The following MALRD1 variants were observed in gnomAD, a reference collection of about 807,000 sequenced individuals.
MALRD1 encodes the protein MAM and LDL-receptor class A domain-containing protein 1.
MALRD1 carries 247 observed loss-of-function variants against 242.1 expected under a neutral mutation model. The observed-to-expected ratio is 1.02, with a 90% CI of 0.92 to 1.13. The LOEUF (loss-of-function observed/expected upper bound fraction) is 1.13. Ranked by LOEUF, MALRD1 falls within the 50% of genes most tolerant of loss-of-function variation. The pLI is 0.00. For synonymous variants in MALRD1, 995 were observed against 866.6 expected (o/e 1.15, Z -2.60); for missense variants, 2,989 against 2,533.1 (o/e 1.18, Z -3.86).
intron 18 of MALRD1, among the ~76,000 whole-genome samples, chr10:19,230,688 A>G (rs1243900201): frequency 1.3e-5 from 2 of 152,156 alleles, no homozygotes; most frequent in African/African-American, 4.8e-5. Context: ...TAGCTGTTCC[A>G]GGTTCTGGGA....
intron 34 of MALRD1, chr10:19,598,142 C>G (rs1838190981): frequency 6.6e-6 from 1 of 152,062 alleles, no homozygotes; most frequent in Non-Finnish European, 1.5e-5. Context: ...TGTCACAGTT[C>G]AAGTACAAAG....
At chr10:19,206,487 T>G (rs1836792399) in intron 17 of MALRD1, among the ~76,000 whole-genome samples, 1 of 152,188 alleles carries the variant, frequency 6.6e-6, no homozygotes, top group Non-Finnish European at 1.5e-5. Context: ...ATCCCACTCA[T>G]TAAAAAATGT....
intron 32 of MALRD1, among the ~76,000 whole-genome samples, chr10:19,533,088 G>C (rs955626581): frequency 6.6e-6 from 1 of 152,102 alleles, no homozygotes; most frequent in Non-Finnish European, 1.5e-5. Context: ...ATATAATGTA[G>C]GCAGATTTCG....
At chr10:19,323,083 T>G (rs1842970276) in intron 21 of MALRD1, among the ~76,000 whole-genome samples, 1 of 152,208 alleles carries the variant, frequency 6.6e-6, no homozygotes, top group African/African-American at 2.4e-5. Context: ...TTTTCCTTTT[T>G]AATTTAAGCC....
intron 24 of MALRD1, among the ~76,000 whole-genome samples, chr10:19,338,018 C>A (rs556805185): frequency 6.7e-6 from 1 of 150,346 alleles, no homozygotes; most frequent in Non-Finnish European, 1.5e-5. Flanking sequence ...GCCAAGATCA[C>A]GCCACTGCAC....
chr10:19,556,853 C>T (rs1564438582), intron 32 of MALRD1, among the ~76,000 whole-genome samples: 1 of 152,134 alleles, frequency 6.6e-6, no homozygotes, highest in Admixed American at 6.6e-5. Flanking sequence ...GACAAAGTGG[C>T]TATACCAGTT....
At chr10:19,686,632 T>G (rs997243391) in intron 36 of MALRD1, among the ~76,000 whole-genome samples, 8 of 152,122 alleles carry the variant, frequency 5.3e-5, no homozygotes, top group African/African-American at 1.7e-4. Flanking sequence ...GCTTAACAAC[T>G]GCCTAACCAT....
At chr10:19,563,406 C>T (rs994014543) in intron 32 of MALRD1, among the ~76,000 whole-genome samples, 1 of 152,150 alleles carries the variant, frequency 6.6e-6, no homozygotes, top group Admixed American at 6.5e-5. Flanking sequence ...CAACTATGCA[C>T]TTCTAATGAT....
At chr10:19,387,135 A>G (rs151190644) in intron 26 of MALRD1, among the ~76,000 whole-genome samples, 54 of 152,300 alleles carry the variant, frequency 3.5e-4, no homozygotes, top group African/African-American at 1.3e-3. Flanking sequence ...CAAATGCCAC[A>G]TAATACATGA....
At chr10:19,659,898 C>T (rs11812122) in intron 36 of MALRD1, among the ~76,000 whole-genome samples, 16,200 of 152,018 alleles carry the variant, frequency 0.11, 2,204 homozygotes, top group African/African-American at 0.32. Context: ...ATTTGCTGAA[C>T]TGGTAAATAA....
At chr10:19,605,744 A>G (rs892795129) in intron 34 of MALRD1, among the ~76,000 whole-genome samples, 2 of 152,092 alleles carry the variant, frequency 1.3e-5, no homozygotes, top group Non-Finnish European at 2.9e-5. Context: ...CTTATCTACA[A>G]CAATGCTTTG....
chr10:19,702,083 A>G (rs911610039), intron 38 of MALRD1, among the ~76,000 whole-genome samples: 2 of 152,156 alleles, frequency 1.3e-5, no homozygotes, highest in Non-Finnish European at 2.9e-5. Context: ...TTAAATATTC[A>G]GAATTTCGTG....
intron 36 of MALRD1, among the ~76,000 whole-genome samples, chr10:19,661,631 G>C (rs569159795): frequency 1.5e-4 from 23 of 152,062 alleles, no homozygotes; most frequent in Non-Finnish European, 2.9e-4. Flanking sequence ...ACTGGGGCCT[G>C]TTGAGGGATA....
chr10:19,237,015 TG>T (rs1413566598), intron 18 of MALRD1, among the ~76,000 whole-genome samples: 2 of 152,060 alleles, frequency 1.3e-5, no homozygotes, highest in East Asian at 3.9e-4. Context: ...ATTTTCACAT[TG>T]TAATTATATA....
intron 21 of MALRD1, among the ~76,000 whole-genome samples, chr10:19,323,038 A>G (rs544145875): frequency 1.3e-5 from 2 of 151,010 alleles, no homozygotes; most frequent in East Asian, 3.9e-4. Context: ...CTTTTATGGC[A>G]AAAAAAAATC....
intron 24 of MALRD1, among the ~76,000 whole-genome samples, chr10:19,331,878 G>T (rs972202074): frequency 2.6e-5 from 4 of 152,002 alleles, no homozygotes; most frequent in African/African-American, 7.2e-5. Context: ...TATGAAAGTG[G>T]TTTTTTTGAG....
chr10:19,485,208 A>G (rs1466287001), intron 29 of MALRD1, among the ~76,000 whole-genome samples: 1 of 152,196 alleles, frequency 6.6e-6, no homozygotes, highest in Non-Finnish European at 1.5e-5. Context: ...TCGAGGGATG[A>G]AAAACTATCT....
intron 18 of MALRD1, among the ~76,000 whole-genome samples, chr10:19,221,654 A>G (rs1019304185): frequency 6.6e-6 from 1 of 152,178 alleles, no homozygotes; most frequent in Non-Finnish European, 1.5e-5. Context: ...TGGGCAAGAA[A>G]ACACATCAGA....
rs184705239 is a variant in MALRD1 at position 19,241,627 on chromosome 10, T to C, written c.2992-16057T>C. ...AGTTTGTTTTTGATGTTCTAGTTAC[T>C]TGAAGTGTATAATTTTGCTTTGTGA... On this transcript the variant is annotated intron_variant, in intron 18 of 39. Coordinates refer to ENST00000454679, the MANE Select transcript of MALRD1 (RefSeq NM_001142308.3). 4.5e-4 allele frequency among the ~76,000 whole-genome samples: 69 copies of C among 152,234 alleles called. 1 individual carries two copies. The South Asian group carries it at 0.011, about 25-fold the overall frequency.
Sources: gnomAD v4.1 joint callset for allele counts (sites outside exome capture counted in the v4.1 genomes callset) on GRCh38, gnomAD v4.1.1 for gene constraint, MANE v1.5 for transcripts, NCBI Gene and HGNC (gene_info 2026-07-23, HGNC 2026-07-21) for gene names.